The following TTN variants were observed in gnomAD, a reference collection of about 807,000 sequenced individuals.
The protein encoded by TTN is connectin.
A neutral mutation model predicts 3,223.0 loss-of-function variants in TTN; 1,525 were observed. That is an observed-to-expected ratio of 0.47 (90% confidence interval 0.45 to 0.49). The LOEUF (loss-of-function observed/expected upper bound fraction) is 0.49. Among genes scored for constraint, TTN ranks in the 20% least tolerant of loss-of-function variants. The pLI is 0.00. For missense variants in TTN, 40,786 were observed against 43,424.0 expected, an observed-to-expected ratio of 0.94 and a Z score of 5.40; for synonymous variants, 14,094 against 15,161.0, an observed-to-expected ratio of 0.93 and a Z score of 5.17.
chr2:178,715,216 C>T lies in TTN; in HGVS notation c.25970G>A (p.Gly8657Glu), dbSNP rs766866317. ...KKPHPIETLK[G>E]ADVHLECELQ... The stretch of plus-strand genomic sequence containing the variant: ...CTCACATTCAAGGTGAACATCAGCT[C>T]CTTTCAGTGTCTCTATAGGATGAGG... Residue 8657 changes from glycine (G) to glutamate (E), a missense_variant, in exon 90 of 363, where the codon GGA becomes GAA. Transcript: ENST00000589042. The T allele has an allele frequency of 6.2e-7, 1 of 1,613,512 alleles. No individual in the cohort carries two copies. Among genetic ancestry groups the T allele is most frequent in the Non-Finnish European group, 8.5e-7 (1 of 1,179,664 alleles).
chr2:178,664,653 C>G lies in TTN; in HGVS notation c.36202+1G>C. ...CCCTCTAAGCTTCCAGCAAGATATA[C>G]CTTCATCAGGAAGGACTTCAGGCTT... On this transcript the variant is annotated splice_donor_variant, in intron 167 of 362. Transcript: ENST00000589042. LOFTEE classifies it high-confidence loss of function. The G allele has an allele frequency of 1.2e-6, 2 of 1,612,268 alleles. No individual in the cohort carries two copies. Among genetic ancestry groups the G allele is most frequent in the Non-Finnish European group, 1.7e-6 (2 of 1,179,554 alleles).
At chr2:178,757,227 A>ATACTGTACTTGCTTTAAGTACAG (rs1553968975) in intron 45 of TTN, among the ~76,000 whole-genome samples, 1 of 150,194 alleles carries the variant, frequency 6.7e-6, no homozygotes, top group African/African-American at 2.4e-5. Context: ...ACAGTAAGTA[A>ATACTGTACTTGCTTTAAGTACAG]TAATCAGCAA....
chr2:178,789,243 TCATA>T, intron 13 of TTN, 113 bp downstream of exon 13: 1 of 1,397,922 alleles, frequency 7.2e-7, no homozygotes, highest in Non-Finnish European at 1.0e-6. Context: ...TAATAGTGAC[TCATA>T]CATAAGAAAT....
chr2:178,693,721 T>G (rs2073024234), intron 118 of TTN, 32 bp from the exon 119 acceptor site: 6 of 1,488,250 alleles, frequency 4.0e-6, no homozygotes, highest in Non-Finnish European at 4.6e-6. Context: ...ATTACTGATA[T>G]GCCATGTTGT....
At chr2:178,635,103 A>G (rs2060270247) in intron 228 of TTN, 62 bp downstream of exon 228, 3 of 1,594,656 alleles carry the variant, frequency 1.9e-6, no homozygotes, top group Non-Finnish European at 2.6e-6. Context: ...TAGGATATAG[A>G]TCCTGAATAT....
Position 178,624,691 on chromosome 2 carries a change from C to T in TTN, c.44589G>A (p.Thr14863=), listed in dbSNP as rs369800903. 6.9e-5 allele frequency: 111 copies of T among 1,612,236 alleles called. No individual in the cohort carries two copies. The highest frequency in any genetic ancestry group is 3.3e-4 in the Middle Eastern group (2 of 6,066). The change falls in exon 242 of 363, where the codon ACG becomes ACA. Residue 14863 remains threonine (T), a synonymous_variant. Transcript: ENST00000589042. ...GCACTGCAGTGGCTCCCTCTTCGAC[C>T]GTCTGGTCCTCAAGAGGCTTAGTGA... is the stretch of plus-strand genomic sequence containing the variant. The part of the protein sequence containing the change: ...VEFTKPLEDQ[T]VEEGATAVLE...
chr2:178,779,919 A>T, intron 22 of TTN, 81 bp downstream of exon 22: 16 of 1,442,856 alleles, frequency 1.1e-5, no homozygotes, highest in Non-Finnish European at 1.5e-5. Context: ...CGAGCTCATC[A>T]CTTGAAAATG....
In TTN at chr2:178,781,256, C is replaced by G. The variant is rs762402848; in HGVS notation, c.3388G>C (p.Val1130Leu). ...TCACCGGTTTGTTTGTTGTAACTCA[C>G]TTTGTATCTTTATGTAAATGTACAA... ...VPLTTGYRYK[V>L]SYNKQTGECK... Residue 1130 changes from valine to leucine, a missense_variant, in exon 21 of 363, where the codon GTG (valine) becomes CTG (leucine). Transcript: ENST00000589042. 55 of 1,613,810 alleles carry G rather than the reference C, an allele frequency of 3.4e-5. No individual in the cohort carries two copies. In the South Asian group the frequency reaches 5.9e-4, roughly 17 times the overall value.
At chr2:178,710,525 A>G (rs1479720126) in intron 98 of TTN, 110 bp downstream of exon 98, 2 of 1,320,910 alleles carry the variant, frequency 1.5e-6, no homozygotes, top group Non-Finnish European at 2.1e-6. Flanking sequence ...TTTTCTTTTC[A>G]TTTGTTTAAA....
Position 178,562,917 on chromosome 2 carries a change from A to T in TTN, c.83215T>A (p.Phe27739Ile), listed in dbSNP as rs886042186. The T allele has an allele frequency of 7.4e-6, 12 of 1,613,452 alleles. No individual in the cohort carries two copies. Among genetic ancestry groups the T allele is most frequent in the African/African-American group, 1.3e-5 (1 of 74,898 alleles). Residue 27739 changes from phenylalanine to isoleucine, a missense_variant, in exon 326 of 363, where the codon TTT becomes ATT. By Grantham distance (21) the Phe-to-Ile change is conservative. Transcript: ENST00000589042. ...GTCAGATTATACCGACCACTGTCAAATCTGGTAACATTATCAATCACCAAC... is the reference window on the plus strand; with the variant it reads ...GTCAGATTATACCGACCACTGTCAATTCTGGTAACATTATCAATCACCAAC... ...TMLVIDNVTR[F>I]DSGRYNLTLE...
rs761622490 is a variant in TTN at position 178,577,814 on chromosome 2, T to C, written c.68612A>G (p.His22871Arg). The part of the protein sequence containing the change: ...IWTEPKYDGG[H>R]KLTGYIVEKR... ...CTCCACTATATATCCAGTTAACTTA[T>C]GACCACCGTCATATTTAGGTTCAGT... is the stretch of plus-strand genomic sequence containing the variant. Residue 22871 changes from histidine (H) to arginine (R), a missense_variant, in exon 323 of 363, where the codon CAT (histidine) becomes CGT (arginine). Coordinates refer to ENST00000589042, the MANE Select transcript of TTN (RefSeq NM_001267550.2). 1.2e-6 allele frequency: 2 copies of C among 1,612,304 alleles called. No individual in the cohort carries two copies. The highest frequency in any genetic ancestry group is 1.3e-5 in the African/African-American group (1 of 74,984).
chr2:178,750,282 C>T, intron 47 of TTN: 1 of 1,613,230 alleles, frequency 6.2e-7, no homozygotes, highest in Non-Finnish European at 8.5e-7. Flanking sequence ...GCTTTGACAT[C>T]ATGTTTTTGT....
chr2:178,568,115 G>T lies in TTN; in HGVS notation c.78017C>A (p.Ser26006Tyr). 1 of 1,613,386 alleles carries T rather than the reference G, an allele frequency of 6.2e-7. No individual in the cohort carries two copies. Residue 26006 changes from serine (S) to tyrosine (Y), a missense_variant, in exon 326 of 363, where the codon TCC (serine) becomes TAC (tyrosine). Transcript: ENST00000589042. Reference sequence around the variant, plus strand: ...TGGTTCATGCCACTGTATGACCATGGAGTCTTTGGAAATGGCTGTGGCAAA... The same window carrying T: ...TGGTTCATGCCACTGTATGACCATGTAGTCTTTGGAAATGGCTGTGGCAAA... ...TPFATAISKD[S>Y]MVIQWHEPVN...
rs765646839 is a variant in TTN, at chr2:178,546,439, G to A, written c.94892C>T (p.Ser31631Phe). The A allele has an allele frequency of 1.2e-6, 2 of 1,613,738 alleles. No homozygotes were observed. The highest frequency in any genetic ancestry group is 2.2e-5 in the East Asian group (1 of 44,832). The change falls in exon 342 of 363, where the codon TCT becomes TTT. Residue 31631 changes from serine (S) to phenylalanine (F), a missense_variant. By Grantham distance (155) the Ser-to-Phe change is radical. Coordinates refer to ENST00000589042, the MANE Select transcript of TTN (RefSeq NM_001267550.2). ...HGDLVTIRAG[S>F]DLVLDAAVGG... ...AACTGCAGCATCCAGAACAAGATCA[G>A]AACCTGCTCTGATGGTAACCAGATC...
rs1025426023 is a variant in TTN, at chr2:178,599,850, C to T, written c.56051G>A (p.Cys18684Tyr). The T allele has an allele frequency of 3.2e-6, 5 of 1,547,022 alleles. No homozygotes were observed. The African/African-American group carries it at 7.0e-5, about 22-fold the overall frequency. The stretch of plus-strand genomic sequence containing the variant: ...TTCTTTTAGATCAATTGATGGTGGG[C>T]CTAGATTATTTAAAAAAAGTTGTCA... ...VGPVTVKDQT[C>Y]PPSIDLKEFM... is the part of the protein sequence containing the mutation. Residue 18684 changes from cysteine to tyrosine, a missense_variant and splice_region_variant, in exon 289 of 363, where the codon TGC (cysteine) becomes TAC (tyrosine). Coordinates refer to ENST00000589042, the MANE Select transcript of TTN (RefSeq NM_001267550.2).
At position 178,554,563 on chromosome 2, in the gene TTN, G is replaced by T. The variant is rs1575546136; in HGVS notation, c.88784C>A (p.Thr29595Asn). Reference protein sequence around the residue: ...SEHLEECIITTTKIIKGNEYI... With the variant: ...SEHLEECIITNTKIIKGNEYI... ...TTCATTTCCTTTGATAATTTTGGTG[G>T]TTGTAATGATGCACTCTTCCAAATG... is the stretch of plus-strand genomic sequence containing the variant. The change falls in exon 332 of 363, where the codon ACC becomes AAC. Residue 29595 changes from threonine to asparagine, a missense_variant. Coordinates refer to ENST00000589042, the MANE Select transcript of TTN (RefSeq NM_001267550.2). 1 of 1,613,868 alleles carries T rather than the reference G, an allele frequency of 6.2e-7. No homozygotes were observed. The highest frequency in any genetic ancestry group is 2.2e-5 in the East Asian group (1 of 44,846).
rs794727945 is a variant in TTN, at chr2:178,717,254, G to T, written c.25480C>A (p.Arg8494=). 1 of 1,613,610 alleles carries T rather than the reference G, an allele frequency of 6.2e-7. No homozygotes were observed. Among genetic ancestry groups the T allele is most frequent in the South Asian group, 1.1e-5 (1 of 91,066 alleles). The change falls in exon 88 of 363, where the codon CGA becomes AGA. Residue 8494 remains arginine (R), a synonymous_variant. Transcript: ENST00000589042. ...TAGTTGCCTCCAGGGCGAATCTCTC[G>T]GTTATCTTTGGCCCAAGTGATTTTG... is the stretch of plus-strand genomic sequence containing the variant. ...PIKITWAKDN[R]EIRPGGNYKM... is the part of the protein sequence containing the mutation.
chr2:178,638,968 A>G (rs1474463493), intron 223 of TTN, among the ~76,000 whole-genome samples: 1 of 152,030 alleles, frequency 6.6e-6, no homozygotes, highest in African/African-American at 2.4e-5. Flanking sequence ...GTTTTGATCA[A>G]TTATATCTCA....
intron 59 of TTN, 40 bp downstream of exon 59, chr2:178,731,265 C>A: frequency 6.2e-7 from 1 of 1,611,064 alleles, no homozygotes; most frequent in Non-Finnish European, 8.5e-7. Flanking sequence ...CTTACATCTG[C>A]ATTTCTTCCT....
Sources: gnomAD v4.1 joint callset for allele counts (sites outside exome capture counted in the v4.1 genomes callset) on GRCh38, gnomAD v4.1.1 for gene constraint, MANE v1.5 for transcripts, NCBI Gene and HGNC (gene_info 2026-07-23, HGNC 2026-07-21) for gene names.